PLPPR1: variants seen among roughly 807,000 people sequenced by gnomAD.
PLPPR1 encodes the protein phospholipid phosphatase-related protein type 1.
A neutral mutation model predicts 33.1 loss-of-function variants in PLPPR1; 10 were observed. The observed-to-expected ratio is 0.30, with a 90% CI of 0.19 to 0.51. PLPPR1 has a LOEUF of 0.51. PLPPR1 is among the 20% of genes least tolerant of loss of function. The probability of loss-of-function intolerance (pLI) is 0.97; values close to 1 mark genes in which losing one functional copy is unlikely to be tolerated. For missense variants in PLPPR1, 304 were observed against 408.1 expected (o/e 0.74, Z 2.20); for synonymous variants, 151 against 151.0 (o/e 1.00, Z 0.00).
chr9:101,299,719 A>G (rs1828714089), intron 4 of PLPPR1, among the ~76,000 whole-genome samples: 1 of 152,206 alleles, frequency 6.6e-6, no homozygotes, highest in Non-Finnish European at 1.5e-5. Context: ...CAGGTTAGAC[A>G]ATGCAAATTC....
chr9:101,180,163 TAC>T (rs1189745449), intron 1 of PLPPR1, among the ~76,000 whole-genome samples: 24 of 87,574 alleles, frequency 2.7e-4, no homozygotes, highest in South Asian at 1.5e-3. Flanking sequence ...CACACACACA[TAC>T]ACACACACAC....
chr9:101,135,184 T>C (rs2118620695), intron 1 of PLPPR1, among the ~76,000 whole-genome samples: 1 of 152,290 alleles, frequency 6.6e-6, no homozygotes, highest in East Asian at 1.9e-4. Context: ...TTTTCTAATT[T>C]TGTAGCTTAA....
chr9:101,029,354 C>G (rs574988546), intron 1 of PLPPR1, among the ~76,000 whole-genome samples: 5 of 152,364 alleles, frequency 3.3e-5, no homozygotes, highest in Admixed American at 6.5e-5. Flanking sequence ...AACTTTCCTT[C>G]CATGTCATCT....
chr9:101,237,728 A>G (rs1354491884), intron 2 of PLPPR1, among the ~76,000 whole-genome samples: 2 of 138,598 alleles, frequency 1.4e-5, no homozygotes, highest in Non-Finnish European at 3.1e-5. Flanking sequence ...ATGTGTGTGT[A>G]TATAGCCTAT....
intron 4 of PLPPR1, among the ~76,000 whole-genome samples, chr9:101,289,820 A>G (rs1162630494): frequency 6.6e-6 from 1 of 152,190 alleles, no homozygotes; most frequent in African/African-American, 2.4e-5. Flanking sequence ...GTATGTCTTT[A>G]TTAGGGTGAA....
At chr9:101,164,997 C>A (rs1178564525) in intron 1 of PLPPR1, among the ~76,000 whole-genome samples, 1 of 152,100 alleles carries the variant, frequency 6.6e-6, no homozygotes, top group Non-Finnish European at 1.5e-5. Flanking sequence ...ACCCCTTCCA[C>A]AGTTCTCCTT....
chr9:101,057,704 A>G (rs1275951240), intron 1 of PLPPR1, among the ~76,000 whole-genome samples: 1 of 152,178 alleles, frequency 6.6e-6, no homozygotes, highest in Non-Finnish European at 1.5e-5. Flanking sequence ...ACTGAGATTT[A>G]GAGATATTAT....
At chr9:101,043,565 T>TG in intron 1 of PLPPR1, among the ~76,000 whole-genome samples, 1 of 152,204 alleles carries the variant, frequency 6.6e-6, no homozygotes, top group South Asian at 2.1e-4. Context: ...TTCGGCTGTT[T>TG]CTACATTTTT....
chr9:101,139,342 T>G (rs1228540933), intron 1 of PLPPR1, among the ~76,000 whole-genome samples: 1 of 151,936 alleles, frequency 6.6e-6, no homozygotes, highest in Non-Finnish European at 1.5e-5. Context: ...TAATGAGGGG[T>G]GTGTGCTTAA....
intron 2 of PLPPR1, among the ~76,000 whole-genome samples, chr9:101,209,695 A>T (rs1204160974): frequency 6.6e-6 from 1 of 152,226 alleles, no homozygotes; most frequent in Non-Finnish European, 1.5e-5. Flanking sequence ...AAACTATTTG[A>T]TTTCCACATC....
At chr9:101,142,837 G>A (rs1831470638) in intron 1 of PLPPR1, among the ~76,000 whole-genome samples, 1 of 152,132 alleles carries the variant, frequency 6.6e-6, no homozygotes, top group African/African-American at 2.4e-5. Context: ...GTGGGCAGAG[G>A]ATGCAACTGA....
At position 101,041,404 on chromosome 9, in the gene PLPPR1, C is replaced by T. The variant is rs565306552; in HGVS notation, c.-46+12302C>T. Among the ~76,000 whole-genome samples, 17 of 152,176 alleles carry T rather than the reference C, an allele frequency of 1.1e-4. No homozygotes were observed. The East Asian group carries it at 1.5e-3, about 14-fold the overall frequency. ...TTGTCTACAACAAAATAAGCAAATG[C>T]GACACAGATTAAGGAATCAAGGTGA... On this transcript the variant is annotated intron_variant, in intron 1 of 7. Transcript: ENST00000374874.
At chr9:101,293,529 C>T (rs1828560361) in intron 4 of PLPPR1, among the ~76,000 whole-genome samples, 1 of 152,092 alleles carries the variant, frequency 6.6e-6, no homozygotes, top group African/African-American at 2.4e-5. Flanking sequence ...CACACCTATT[C>T]CAAAATTGAC....
intron 2 of PLPPR1, among the ~76,000 whole-genome samples, chr9:101,237,615 G>A (rs1483946221): frequency 7.0e-6 from 1 of 143,338 alleles, no homozygotes; most frequent in South Asian, 2.2e-4. Context: ...TAGATGAGTA[G>A]TATTCCATTG....
chr9:101,289,060 C>T (rs1191920107), intron 4 of PLPPR1, among the ~76,000 whole-genome samples: 1 of 152,238 alleles, frequency 6.6e-6, no homozygotes, highest in Non-Finnish European at 1.5e-5. Flanking sequence ...GAGCCACTCC[C>T]TTGTGAGGCC....
chr9:101,080,791 G>A (rs1402777836), intron 1 of PLPPR1, among the ~76,000 whole-genome samples: 1 of 152,080 alleles, frequency 6.6e-6, no homozygotes, highest in Non-Finnish European at 1.5e-5. Flanking sequence ...TCAACTGTTT[G>A]GAGACCCTTT....
At chr9:101,227,186 A>G (rs968722787) in intron 2 of PLPPR1, among the ~76,000 whole-genome samples, 66 of 152,328 alleles carry the variant, frequency 4.3e-4, no homozygotes, top group African/African-American at 1.4e-3. Flanking sequence ...GGGAGCCCCA[A>G]TAATCACGAC....
intron 1 of PLPPR1, among the ~76,000 whole-genome samples, chr9:101,070,111 G>A (rs763235175): frequency 4.6e-5 from 7 of 152,118 alleles, no homozygotes; most frequent in South Asian, 2.1e-4. Flanking sequence ...ACCCCCTTCC[G>A]TACTTTGGAA....
intron 2 of PLPPR1, among the ~76,000 whole-genome samples, chr9:101,223,680 T>C (rs1252192930): frequency 6.6e-6 from 1 of 152,138 alleles, no homozygotes. Context: ...CCCCTGCTTG[T>C]ACTCATTCTC....
Sources: gnomAD v4.1 joint callset for allele counts (sites outside exome capture counted in the v4.1 genomes callset) on GRCh38, gnomAD v4.1.1 for gene constraint, MANE v1.5 for transcripts, NCBI Gene and HGNC (gene_info 2026-07-23, HGNC 2026-07-21) for gene names.